Variants in PRC1 observed in about 807,000 individuals in gnomAD.
The protein encoded by PRC1 is anaphase spindle elongation 1 homolog.
In PRC1, 54 loss-of-function variants were observed where a neutral mutation model predicts 91.2. The ratio of observed to expected loss-of-function variants is 0.59; its 90% CI spans 0.48 to 0.74. The LOEUF (loss-of-function observed/expected upper bound fraction) is 0.74, where lower values mean the gene tolerates loss of function less well. Ranked by LOEUF, PRC1 falls within the 30% of genes least tolerant of loss-of-function variation. The probability of loss-of-function intolerance (pLI) is 0.00; values close to 1 mark genes in which losing one functional copy is unlikely to be tolerated. For synonymous variants in PRC1, 275 were observed against 263.6 expected, an observed-to-expected ratio of 1.04 and a Z score of -0.42; for missense variants, 727 against 746.2, an observed-to-expected ratio of 0.97 and a Z score of 0.30.
chr15:90,993,448 T>A (rs1318363644), intron 1 of PRC1, among the ~76,000 whole-genome samples: 1 of 152,148 alleles, frequency 6.6e-6, no homozygotes, highest in Non-Finnish European at 1.5e-5. Flanking sequence ...GCAAGCATTT[T>A]AAAAAGACTG....
chr15:90,979,356 G>A (rs1001986007), intron 7 of PRC1, 62 bp from the exon 8 acceptor site: 238 of 1,526,322 alleles, frequency 1.6e-4, no homozygotes, highest in Non-Finnish European at 2.0e-4. Flanking sequence ...CCAATTTTAC[G>A]AATCCCCGAT....
chr15:90,984,034 T>G lies in PRC1; in HGVS notation c.251A>C (p.His84Pro). 2 of 1,614,134 alleles carry G rather than the reference T, an allele frequency of 1.2e-6. No homozygotes were observed. The highest frequency in any genetic ancestry group is 1.7e-6 in the Non-Finnish European group (2 of 1,179,986). Residue 84 changes from histidine (H) to proline (P), a missense_variant, in exon 3 of 15, where the codon CAT becomes CCT. By Grantham distance (77) the His-to-Pro change is moderately conservative. Transcript: ENST00000394249. This position sits in a 1 kb window ranked among gnomAD's most constrained non-coding sequence, Gnocchi z 5.1. The part of the protein sequence containing the change: ...KELNTLCSEL[H>P]VEPFQEEGET... ...GCCACGGACCTGAAATGGCTCAACATGTAACTCGCTGCACAGAGTGTTCAG... is the reference window on the plus strand; with the variant it reads ...GCCACGGACCTGAAATGGCTCAACAGGTAACTCGCTGCACAGAGTGTTCAG...
intron 1 of PRC1, among the ~76,000 whole-genome samples, 187 bp downstream of exon 1, chr15:90,994,220 C>T (rs2040159541): frequency 6.6e-6 from 1 of 152,132 alleles, no homozygotes; most frequent in South Asian, 2.1e-4. Flanking sequence ...GTCTCACCGC[C>T]GCGGCCCTCG....
intron 12 of PRC1, 152 bp from the exon 13 acceptor site, chr15:90,969,775 T>C (rs1381875180): frequency 4.0e-5 from 2 of 49,938 alleles, no homozygotes; most frequent in Admixed American, 7.6e-4. Flanking sequence ...TATATATATA[T>C]ATATATATAT....
chr15:90,994,262 C>CT, intron 1 of PRC1, 145 bp downstream of exon 1: 2 of 1,318,544 alleles, frequency 1.5e-6, no homozygotes, highest in Non-Finnish European at 2.1e-6. Flanking sequence ...CCCTGCCCCT[C>CT]AGCGCCCCCG....
In PRC1 at chr15:90,967,126, G is replaced by C; in HGVS notation, c.*5C>G. 6.2e-7 allele frequency: 1 copy of C among 1,612,594 alleles called. No individual in the cohort carries two copies. The highest frequency in any genetic ancestry group is 1.3e-5 in the African/African-American group (1 of 75,018). On this transcript the variant is annotated 3_prime_UTR_variant, in exon 15 of 15. Coordinates refer to ENST00000394249, the MANE Select transcript of PRC1 (RefSeq NM_003981.4). ...AGCCACAGCTGGTTGACTGATCAGGGCTTCTCAGGACTGGATGTTGGTTGA... is the reference window on the plus strand; with the variant it reads ...AGCCACAGCTGGTTGACTGATCAGGCCTTCTCAGGACTGGATGTTGGTTGA...
chr15:90,968,896 TTTA>T, intron 14 of PRC1, 180 bp downstream of exon 14: 2 of 1,408,212 alleles, frequency 1.4e-6, no homozygotes, highest in Non-Finnish European at 1.9e-6. Context: ...CTGAACAAAT[TTTA>T]TTAATTAATC....
intron 1 of PRC1, among the ~76,000 whole-genome samples, chr15:90,990,191 C>T (rs1486025789): frequency 1.3e-5 from 2 of 151,714 alleles, no homozygotes; most frequent in Admixed American, 1.3e-4. Context: ...CAAAAATTAG[C>T]TGGGTGTGGT....
At chr15:90,975,230 C>G (rs938118555) in intron 9 of PRC1, among the ~76,000 whole-genome samples, 3 of 152,100 alleles carry the variant, frequency 2.0e-5, no homozygotes, top group Non-Finnish European at 2.9e-5. Context: ...CTCAGCCTCC[C>G]GAGTAGCTGG....
At position 90,971,952 on chromosome 15, in the gene PRC1, C is replaced by T. The variant is rs557836528; in HGVS notation, c.1462-1438G>A. On this transcript the variant is annotated intron_variant, in intron 11 of 14. Transcript: ENST00000394249. ...CTGAGGCACGAGAATCACTTGAACC[C>T]AGGAGGTGTAGGTTGCAGTGAGCTG... Among the ~76,000 whole-genome samples, 8 of 152,238 alleles carry T rather than the reference C, an allele frequency of 5.3e-5. No homozygotes were observed. In the East Asian group the frequency reaches 9.7e-4, roughly 18 times the overall value.
rs530998157 is a variant in PRC1 at position 90,974,407 on chromosome 15, G to A, written c.1351-161C>T. Among the ~76,000 whole-genome samples, 79 of 151,658 alleles carry A rather than the reference G, an allele frequency of 5.2e-4. No individual in the cohort carries two copies. Among genetic ancestry groups the A allele is most frequent in the Admixed American group, 2.4e-3 (37 of 15,250 alleles). ...CACAAGCCCCGGTCCCCGGCTCCCC[G>A]TTCCACAAGCCCCGGTCCCCGGCTC... On this transcript the variant is annotated intron_variant, in intron 10 of 14. Coordinates refer to ENST00000394249, the MANE Select transcript of PRC1 (RefSeq NM_003981.4). The surrounding 1 kb of genome is among the most constrained non-coding windows in gnomAD (Gnocchi z 4.6).
intron 8 of PRC1, among the ~76,000 whole-genome samples, chr15:90,978,753 CAA>C (rs869065052): frequency 2.5e-5 from 1 of 39,708 alleles, no homozygotes; most frequent in Admixed American, 4.0e-4. Context: ...AACTCCACCT[CAA>C]AAAAAAAAAA....
intron 7 of PRC1, 137 bp from the exon 8 acceptor site, chr15:90,979,431 G>C (rs1352283008): frequency 2.0e-6 from 2 of 1,010,708 alleles, no homozygotes; most frequent in African/African-American, 1.6e-5. Context: ...GTGTGTGTGT[G>C]TGTAATAGAT....
Position 90,980,282 on chromosome 15 carries a change from A to G in PRC1, c.930T>C (p.Tyr310=), listed in dbSNP as rs1236855687. The G allele has an allele frequency of 3.7e-6, 6 of 1,613,514 alleles. No homozygotes were observed. Among genetic ancestry groups the G allele is most frequent in the Non-Finnish European group, 4.2e-6 (5 of 1,179,904 alleles). Residue 310 remains tyrosine (Y), a synonymous_variant, in exon 7 of 15, where the codon TAT becomes TAC. Transcript: ENST00000394249. Reference sequence around the variant, plus strand: ...CAAAAGCTTGTCTCTGCTCCTGGCTATAAAAGCACTGGTCCCAGTACTGAA... The same window carrying G: ...CAAAAGCTTGTCTCTGCTCCTGGCTGTAAAAGCACTGGTCCCAGTACTGAA... The part of the protein sequence containing the change: ...ELVQYWDQCF[Y]SQEQRQAFAP...
Position 90,969,779 on chromosome 15 carries a change from T to C in PRC1, c.1573-156A>G, listed in dbSNP as rs1450363651. 5.2e-4 allele frequency among the ~76,000 whole-genome samples: 26 copies of C among 50,404 alleles called. No individual in the cohort carries two copies. The East Asian group carries it at 0.24, about 465-fold the overall frequency. 33.1% of individuals were successfully genotyped at this position (50,404 alleles called of 152,430 possible). On this transcript the variant is annotated intron_variant, in intron 12 of 14. Transcript: ENST00000394249. ...AAAAAAAAACATATATATATATATA[T>C]ATATATATATATATATATATATGGG...
At chr15:90,980,458 C>A in intron 6 of PRC1, 69 bp from the exon 7 acceptor site, 1 of 1,512,508 alleles carries the variant, frequency 6.6e-7, no homozygotes, top group Non-Finnish European at 8.9e-7. Flanking sequence ...CAAAAGATCC[C>A]CCCCTTTTAA....
At chr15:90,994,305 A>AGGCCCGGGACCC (rs1170464273) in intron 1 of PRC1, 102 bp downstream of exon 1, 1 of 1,560,898 alleles carries the variant, frequency 6.4e-7, no homozygotes, top group Non-Finnish European at 8.7e-7. Flanking sequence ...GTGACGATCT[A>AGGCCCGGGACCC]GGCCCGGGAC....
intron 1 of PRC1, among the ~76,000 whole-genome samples, chr15:90,985,032 A>G (rs1441722968): frequency 6.6e-6 from 1 of 152,184 alleles, no homozygotes; most frequent in Non-Finnish European, 1.5e-5. Context: ...TTCATATCAT[A>G]TTACATCATG....
intron 12 of PRC1, among the ~76,000 whole-genome samples, 184 bp from the exon 13 acceptor site, chr15:90,969,807 T>G (rs2037934481): frequency 7.1e-6 from 1 of 141,732 alleles, no homozygotes; most frequent in Non-Finnish European, 1.6e-5. Context: ...TATATGGGGC[T>G]GGGTGTGGCT....
Sources: gnomAD v4.1 joint callset for allele counts (sites outside exome capture counted in the v4.1 genomes callset) on GRCh38, gnomAD v4.1.1 for gene constraint, Gnocchi (gnomAD v3.1) non-coding constraint, MANE v1.5 for transcripts, NCBI Gene and HGNC (gene_info 2026-07-23, HGNC 2026-07-21) for gene names.